FRMD4B: variants seen among roughly 807,000 people sequenced by gnomAD.
FRMD4B encodes FERM domain-containing protein 4B.
FRMD4B carries 74 observed loss-of-function variants against 141.5 expected under a neutral mutation model. The ratio of observed to expected loss-of-function variants is 0.52; its 90% CI spans 0.43 to 0.63. The LOEUF is 0.63. Ranked by LOEUF, FRMD4B falls within the 30% of genes least tolerant of loss-of-function variation. The pLI is 0.00. For missense variants in FRMD4B, 1,366 were observed against 1,253.4 expected (o/e 1.09, Z -1.36); for synonymous variants, 506 against 467.9 (o/e 1.08, Z -1.05).
chr3:69,193,762 G>A lies in FRMD4B; in HGVS notation c.1600C>T (p.Arg534Ter), dbSNP rs1294480063. 3.7e-6 allele frequency: 6 copies of A among 1,613,114 alleles called. No homozygotes were observed. The highest frequency in any genetic ancestry group is 4.2e-6 in the Non-Finnish European group (5 of 1,179,260). ...ATCGCATCTGTGTAATCTTGCTTTC[G>A]CTTTTTCTTCACAGTTTTACAAAGG... ...PDLCKTVKKKRKQDYTDAMKK... is the reference protein window; with the variant it reads ...PDLCKTVKKK The change falls in exon 17 of 23, where the codon CGA becomes TGA. Residue 534 changes from arginine to a stop codon, truncating the protein, a stop_gained. Transcript: ENST00000398540. LOFTEE classifies it high-confidence loss of function.
At chr3:69,518,583 C>T (rs1387652828) in intron 1 of FRMD4B, among the ~76,000 whole-genome samples, 3 of 152,180 alleles carry the variant, frequency 2.0e-5, no homozygotes, top group Non-Finnish European at 2.9e-5. Context: ...CTGTGGTCCA[C>T]ATTGTAGCAG....
rs765403595 is a variant in FRMD4B at position 69,189,905 on chromosome 3, A to T, written c.1762T>A (p.Tyr588Asn). ...ESSSLSDTTTYDDPSDAFTFP... is the reference protein window; with the variant it reads ...ESSSLSDTTTNDDPSDAFTFP... ...AGGAAGAGCCACTTACGATCATCAT[A>T]GGTGGTGGTGTCAGACAAAGAGCTA... Residue 588 changes from tyrosine (Y) to asparagine (N), a missense_variant, in exon 18 of 23, where the codon TAT (tyrosine) becomes AAT (asparagine). By Grantham distance (143) the Tyr-to-Asn change is moderately radical. Coordinates refer to ENST00000398540, the MANE Select transcript of FRMD4B (RefSeq NM_015123.3). The T allele has an allele frequency of 4.6e-5, 73 of 1,591,560 alleles. No individual in the cohort carries two copies. Among genetic ancestry groups the T allele is most frequent in the Non-Finnish European group, 5.7e-5 (66 of 1,160,022 alleles).
chr3:69,200,135 G>A (rs1284284027), intron 11 of FRMD4B, among the ~76,000 whole-genome samples: 1 of 152,136 alleles, frequency 6.6e-6, no homozygotes. Flanking sequence ...CGGGAACCCA[G>A]GCTTTTCACA....
intron 1 of FRMD4B, among the ~76,000 whole-genome samples, chr3:69,370,089 A>ATTTTGC (rs747603901): frequency 3.6e-4 from 55 of 151,276 alleles, no homozygotes; most frequent in Non-Finnish European, 6.6e-4. Flanking sequence ...CCAGAAATAA[A>ATTTTGC]TTTTGCTTTT....
At chr3:69,509,114 G>T (rs185260310) in intron 1 of FRMD4B, among the ~76,000 whole-genome samples, 25 of 152,270 alleles carry the variant, frequency 1.6e-4, no homozygotes, top group Non-Finnish European at 2.9e-5. Flanking sequence ...GCAGCAGTGG[G>T]GTTTGTTCTA....
At chr3:69,357,118 G>T (rs1027996493) in intron 1 of FRMD4B, among the ~76,000 whole-genome samples, 2 of 152,134 alleles carry the variant, frequency 1.3e-5, no homozygotes, top group Non-Finnish European at 2.9e-5. Flanking sequence ...GTGCAAAGAC[G>T]GGACAAGGGC....
intron 1 of FRMD4B, among the ~76,000 whole-genome samples, chr3:69,476,688 C>A (rs1223279168): frequency 1.3e-5 from 2 of 151,842 alleles, no homozygotes; most frequent in African/African-American, 2.4e-5. Flanking sequence ...GCAATGAGGG[C>A]TCTTTTTTGG....
chr3:69,500,151 C>T (rs558937808), intron 1 of FRMD4B, among the ~76,000 whole-genome samples: 20 of 152,318 alleles, frequency 1.3e-4, no homozygotes, highest in African/African-American at 2.2e-4. Flanking sequence ...TGGGTCACCA[C>T]TGTGGTTTGG....
chr3:69,491,101 A>G (rs1161918117), intron 1 of FRMD4B, among the ~76,000 whole-genome samples: 3 of 152,246 alleles, frequency 2.0e-5, no homozygotes, highest in Admixed American at 6.5e-5. Context: ...ATAGGAGGAA[A>G]GAGAGAAAAG....
intron 17 of FRMD4B, among the ~76,000 whole-genome samples, chr3:69,192,598 A>C (rs552479555): frequency 8.2e-4 from 125 of 152,316 alleles, no homozygotes; most frequent in Middle Eastern, 3.4e-3. Flanking sequence ...AGTCATAAAT[A>C]CATAATGTTG....
At chr3:69,472,573 G>C in intron 1 of FRMD4B, 1 of 215,512 alleles carries the variant, frequency 4.6e-6, no homozygotes, top group Non-Finnish European at 9.5e-6. Context: ...AAATGTTACA[G>C]TTTTGCCAAT....
intron 1 of FRMD4B, among the ~76,000 whole-genome samples, chr3:69,445,867 T>G (rs1436460519): frequency 6.6e-6 from 1 of 152,234 alleles, no homozygotes; most frequent in Admixed American, 6.5e-5. Flanking sequence ...GAAATTACAC[T>G]GTTTATTTGC....
intron 1 of FRMD4B, among the ~76,000 whole-genome samples, chr3:69,530,556 C>CT (rs968894178): frequency 1.7e-3 from 247 of 144,614 alleles, no homozygotes; most frequent in African/African-American, 3.0e-3. Flanking sequence ...AATAAAACCT[C>CT]TTTTTTTTTT....
At chr3:69,322,590 C>CTT (rs1702038279) in intron 1 of FRMD4B, among the ~76,000 whole-genome samples, 1 of 134,546 alleles carries the variant, frequency 7.4e-6, no homozygotes, top group African/African-American at 2.7e-5. Flanking sequence ...ATTTTTCTCT[C>CTT]TCTCTTTTTT....
chr3:69,183,692 C>A (rs2107604307), intron 19 of FRMD4B, among the ~76,000 whole-genome samples: 1 of 151,908 alleles, frequency 6.6e-6, no homozygotes, highest in African/African-American at 2.4e-5. Context: ...CCTTGTTAGC[C>A]AGGATGGTCT....
At chr3:69,497,728 G>T (rs56274711) in intron 1 of FRMD4B, among the ~76,000 whole-genome samples, 3,867 of 152,078 alleles carry the variant, frequency 0.025, 181 homozygotes, top group African/African-American at 0.088. Context: ...CTTTTTTTAA[G>T]ACATGGAGTC....
chr3:69,317,981 T>A (rs1237337300), intron 1 of FRMD4B, among the ~76,000 whole-genome samples: 1 of 152,038 alleles, frequency 6.6e-6, no homozygotes, highest in African/African-American at 2.4e-5. Context: ...CTGCTTTATT[T>A]ATTTATTTTT....
intron 8 of FRMD4B, among the ~76,000 whole-genome samples, chr3:69,222,824 T>C (rs1466394023): frequency 6.6e-6 from 1 of 152,088 alleles, no homozygotes; most frequent in Non-Finnish European, 1.5e-5. Context: ...ATTTCTCCAA[T>C]GGGAAATGAT....
chr3:69,290,595 G>A (rs888857489), intron 4 of FRMD4B, among the ~76,000 whole-genome samples: 1 of 152,200 alleles, frequency 6.6e-6, no homozygotes, highest in Non-Finnish European at 1.5e-5. Flanking sequence ...TATCAATGAA[G>A]ATAATATGAG....
Sources: allele counts gnomAD v4.1 joint callset (sites outside exome capture counted in the v4.1 genomes callset), GRCh38; gene constraint gnomAD v4.1.1; transcripts MANE v1.5; gene names NCBI Gene and HGNC (gene_info 2026-07-23, HGNC 2026-07-21).